Variants in HS6ST2 observed in about 807,000 individuals in gnomAD.
HS6ST2 encodes the protein heparan sulfate 6-O-sulfotransferase 2.
In HS6ST2, 17 loss-of-function variants were observed where a neutral mutation model predicts 33.0. That is an observed-to-expected ratio of 0.52 (90% CI 0.35 to 0.77). HS6ST2 has a LOEUF of 0.77. Among genes scored for constraint, HS6ST2 ranks in the 30% least tolerant of loss-of-function variants. HS6ST2 has a pLI of 0.01. For missense variants in HS6ST2, 519 were observed against 551.7 expected, an observed-to-expected ratio of 0.94 and a Z score of 0.59; for synonymous variants, 248 against 237.1, an observed-to-expected ratio of 1.05 and a Z score of -0.42.
At chrX:132,633,830 G>A (rs2063535634) in intron 4 of HS6ST2, among the ~76,000 whole-genome samples, 1 of 111,895 alleles carries the variant, frequency 8.9e-6, no homozygotes, top group Non-Finnish European at 1.9e-5. Flanking sequence ...CCTGTTGTCT[G>A]CCTGCAAGTG....
intron 4 of HS6ST2, among the ~76,000 whole-genome samples, chrX:132,641,807 G>T (rs1166703511): frequency 1.8e-5 from 2 of 112,983 alleles, no homozygotes; most frequent in African/African-American, 3.2e-5. Context: ...CAGGCCAGGA[G>T]CACAACTGGC....
intron 4 of HS6ST2, among the ~76,000 whole-genome samples, chrX:132,647,543 T>C (rs1318955740): frequency 8.9e-6 from 1 of 112,231 alleles, no homozygotes; most frequent in Non-Finnish European, 1.9e-5. Flanking sequence ...CTTATTCCCC[T>C]GCTGGAGAGT....
intron 4 of HS6ST2, among the ~76,000 whole-genome samples, chrX:132,637,811 ATT>A (rs2063561692): frequency 3.2e-5 from 2 of 62,113 alleles, no homozygotes; most frequent in African/African-American, 1.5e-4. Context: ...ATTATATATT[ATT>A]TTATATATAT....
intron 2 of HS6ST2, among the ~76,000 whole-genome samples, chrX:132,790,495 C>T (rs756031520): frequency 9.0e-5 from 10 of 111,684 alleles, no homozygotes; most frequent in African/African-American, 2.6e-4. Context: ...TGGTCTGGAA[C>T]GAAACCCGCA....
chrX:132,655,592 G>A (rs1250845146), intron 4 of HS6ST2, among the ~76,000 whole-genome samples: 1 of 110,590 alleles, frequency 9.0e-6, no homozygotes, highest in Admixed American at 9.7e-5. Flanking sequence ...GTTTGGACAT[G>A]GGTAGTTGAA....
At chrX:132,677,355 G>A (rs2063931088) in intron 3 of HS6ST2, among the ~76,000 whole-genome samples, 1 of 111,995 alleles carries the variant, frequency 8.9e-6, no homozygotes, top group Non-Finnish European at 1.9e-5. Context: ...TTACCACTTT[G>A]TTTCACTTTC....
rs2066166259 is a variant in HS6ST2 at position 132,881,053 on chromosome X, T to A, written c.947+75755A>T. Among the ~76,000 whole-genome samples, 4 of 110,706 alleles carry A rather than the reference T, an allele frequency of 3.6e-5. No homozygotes were observed. In the South Asian group the frequency reaches 1.6e-3, roughly 44 times the overall value. On this transcript the variant is annotated intron_variant, in intron 2 of 4. Coordinates refer to ENST00000370833, the MANE Select transcript of HS6ST2 (RefSeq NM_001394073.1). Reference sequence around the variant, plus strand: ...GTTGGACATTTGGGTTGGTTCCAAGTCTTTGCTATTGTGAATAGTGCCACA... The same window carrying A: ...GTTGGACATTTGGGTTGGTTCCAAGACTTTGCTATTGTGAATAGTGCCACA...
At chrX:132,633,769 T>C (rs2063535091) in intron 4 of HS6ST2, among the ~76,000 whole-genome samples, 1 of 112,047 alleles carries the variant, frequency 8.9e-6, no homozygotes. Flanking sequence ...CTCTTCTTTA[T>C]GCTAAAAATG....
intron 2 of HS6ST2, among the ~76,000 whole-genome samples, chrX:132,910,197 A>G (rs1189498370): frequency 8.9e-6 from 1 of 112,092 alleles, no homozygotes; most frequent in Non-Finnish European, 1.9e-5. Context: ...CCATGAATCT[A>G]GACTGTTACC....
intron 2 of HS6ST2, among the ~76,000 whole-genome samples, chrX:132,850,764 C>T (rs1008405697): frequency 7.5e-5 from 8 of 107,290 alleles, no homozygotes; most frequent in African/African-American, 2.7e-4. Flanking sequence ...CCACATCATA[C>T]ACACTGATGT....
Position 132,741,296 on chromosome X carries a change from GGTTTT to G in HS6ST2, c.948-32807_948-32803del, listed in dbSNP as rs2064574059. ...AAGAAACAGCACGGGTTTTGTTTTT[GGTTTT>G]GTTTTTTTTTTTTTTTGAGACAGAG... On this transcript the variant is annotated intron_variant, in intron 2 of 4. Transcript: ENST00000370833. Among the ~76,000 whole-genome samples, 3 of 107,447 alleles carry G rather than the reference GGTTTT, an allele frequency of 2.8e-5. No homozygotes were observed. In the South Asian group the frequency reaches 1.2e-3, roughly 44 times the overall value. 93.3% of individuals were successfully genotyped at this position (107,447 alleles called of 115,157 possible).
chrX:132,661,848 A>C (rs1333586856), intron 4 of HS6ST2, among the ~76,000 whole-genome samples: 1 of 111,278 alleles, frequency 9.0e-6, no homozygotes, highest in Non-Finnish European at 1.9e-5. Context: ...TGGGCAACAT[A>C]GTGAGACCCC....
intron 2 of HS6ST2, among the ~76,000 whole-genome samples, chrX:132,823,593 T>C (rs2065481988): frequency 9.3e-6 from 1 of 107,593 alleles, no homozygotes; most frequent in Non-Finnish European, 1.9e-5. Flanking sequence ...CGATGGCTCA[T>C]ACCTGTAAAG....
chrX:132,750,209 T>A (rs944849224), intron 2 of HS6ST2, among the ~76,000 whole-genome samples: 1 of 110,836 alleles, frequency 9.0e-6, no homozygotes, highest in Non-Finnish European at 1.9e-5. Context: ...TGGGCATGTG[T>A]ACTTGTAACA....
chrX:132,649,856 TA>T (rs754644654), intron 4 of HS6ST2, among the ~76,000 whole-genome samples: 43,150 of 87,390 alleles, frequency 0.49, 10,549 homozygotes, highest in African/African-American at 0.87. Context: ...AGACTCTATC[TA>T]AAAAAAAAAA....
At chrX:132,946,655 G>T (rs1247581178) in intron 2 of HS6ST2, among the ~76,000 whole-genome samples, 2 of 111,280 alleles carry the variant, frequency 1.8e-5, no homozygotes, top group Non-Finnish European at 3.8e-5. Flanking sequence ...ATTAGGAGAT[G>T]TACCTAATGT....
rs947623514 is a variant in HS6ST2, at chrX:132,819,039, G to GT, written c.948-110546dup. 3.4e-3 allele frequency among the ~76,000 whole-genome samples: 360 copies of GT among 107,384 alleles called. 2 individuals carry two copies. Among genetic ancestry groups the GT allele is most frequent in the African/African-American group, 0.01 (300 of 29,464 alleles). 93.3% of individuals were successfully genotyped at this position (107,384 alleles called of 115,157 possible). On this transcript the variant is annotated intron_variant, in intron 2 of 4. Transcript: ENST00000370833. The stretch of plus-strand genomic sequence containing the variant: ...TGTCCCAGGCTGCATTAATTTTTAT[G>GT]TTTTTTTTTTCTAAACTCAACTCTA...
At chrX:132,905,317 G>A (rs1472823639) in intron 2 of HS6ST2, among the ~76,000 whole-genome samples, 1 of 112,026 alleles carries the variant, frequency 8.9e-6, no homozygotes, top group Non-Finnish European at 1.9e-5. Context: ...AGGTCATGGA[G>A]ACACTCTCCT....
intron 2 of HS6ST2, among the ~76,000 whole-genome samples, chrX:132,948,315 C>T (rs2066976610): frequency 8.9e-6 from 1 of 111,797 alleles, no homozygotes; most frequent in African/African-American, 3.2e-5. Flanking sequence ...AAAAAGAGCC[C>T]ACAGTTTAAT....
Sources: allele counts gnomAD v4.1 joint callset (sites outside exome capture counted in the v4.1 genomes callset), GRCh38; gene constraint gnomAD v4.1.1; transcripts MANE v1.5; gene names NCBI Gene and HGNC (gene_info 2026-07-23, HGNC 2026-07-21).